The following TBC1D32 variants were observed in gnomAD, a reference collection of about 807,000 sequenced individuals.
The protein encoded by TBC1D32 is protein broad-minded.
A neutral mutation model predicts 170.3 loss-of-function variants in TBC1D32; 151 were observed. That is an observed-to-expected ratio of 0.89 (90% CI 0.78 to 1.01). The LOEUF (loss-of-function observed/expected upper bound fraction) is 1.01. TBC1D32 is among the 50% of genes least tolerant of loss of function. The probability of loss-of-function intolerance (pLI) is 0.00; values close to 1 mark genes in which losing one functional copy is unlikely to be tolerated. For missense variants in TBC1D32, 1,464 were observed against 1,457.1 expected (o/e 1.00, Z -0.08); for synonymous variants, 498 against 488.0 (o/e 1.02, Z -0.27).
intron 24 of TBC1D32, among the ~76,000 whole-genome samples, chr6:121,145,608 T>C (rs1783324197): frequency 6.6e-6 from 1 of 152,218 alleles, no homozygotes; most frequent in Admixed American, 6.5e-5. Context: ...TCATTTTAAA[T>C]ATTATCATCA....
chr6:121,291,614 C>T (rs1804883341), intron 12 of TBC1D32, among the ~76,000 whole-genome samples: 1 of 152,040 alleles, frequency 6.6e-6, no homozygotes, highest in South Asian at 2.1e-4. Flanking sequence ...TGACACAGGG[C>T]TTTGCAGTTT....
chr6:121,223,686 T>C (rs1794768192), intron 20 of TBC1D32, among the ~76,000 whole-genome samples: 2 of 152,108 alleles, frequency 1.3e-5, no homozygotes, highest in African/African-American at 4.8e-5. Flanking sequence ...ATATCCAATA[T>C]GTAAGAAAAT....
intron 22 of TBC1D32, among the ~76,000 whole-genome samples, chr6:121,161,409 G>A (rs1295395563): frequency 1.3e-5 from 2 of 152,068 alleles, no homozygotes; most frequent in African/African-American, 2.4e-5. Context: ...GTGTCCATAT[G>A]TTCTCATCAT....
intron 31 of TBC1D32, among the ~76,000 whole-genome samples, chr6:121,083,471 T>C (rs73766691): frequency 0.076 from 11,556 of 152,108 alleles, 866 homozygotes; most frequent in African/African-American, 0.2. Context: ...TATTAAAAAT[T>C]CCCATTCTAA....
chr6:121,169,801 G>A (rs1235846889), intron 22 of TBC1D32, among the ~76,000 whole-genome samples: 1 of 151,990 alleles, frequency 6.6e-6, no homozygotes, highest in African/African-American at 2.4e-5. Flanking sequence ...ATTAATTACA[G>A]ACATAAAGGC....
chr6:121,300,727 C>T (rs904920522), intron 9 of TBC1D32, among the ~76,000 whole-genome samples: 1 of 152,016 alleles, frequency 6.6e-6, no homozygotes, highest in Non-Finnish European at 1.5e-5. Context: ...CACAGCAAAA[C>T]AAACTATCAT....
chr6:121,175,974 T>A (rs1787708308), intron 22 of TBC1D32, among the ~76,000 whole-genome samples: 1 of 152,214 alleles, frequency 6.6e-6, no homozygotes, highest in African/African-American at 2.4e-5. Flanking sequence ...AAAACACTGG[T>A]TGAATACCTA....
At chr6:121,144,492 C>T (rs565190033) in intron 24 of TBC1D32, among the ~76,000 whole-genome samples, 8 of 152,048 alleles carry the variant, frequency 5.3e-5, no homozygotes, top group South Asian at 2.1e-4. Context: ...AAGACAGAGA[C>T]GAGTGCATGA....
At chr6:121,242,997 A>T (rs1194018248) in intron 17 of TBC1D32, among the ~76,000 whole-genome samples, 3 of 152,004 alleles carry the variant, frequency 2.0e-5, no homozygotes, top group East Asian at 3.9e-4. Context: ...TTTCTTTGAA[A>T]ATATATATAA....
chr6:121,318,813 TATC>T (rs1176369985), intron 2 of TBC1D32, among the ~76,000 whole-genome samples: 2 of 151,044 alleles, frequency 1.3e-5, no homozygotes, highest in East Asian at 3.9e-4. Flanking sequence ...ACGTATTTAT[TATC>T]ATTAAAATAA....
rs560700464 is a variant in TBC1D32 at position 121,141,049 on chromosome 6, T to C, written c.2774-9297A>G. 6.6e-5 allele frequency among the ~76,000 whole-genome samples: 10 copies of C among 152,296 alleles called. 1 individual carries two copies. In the South Asian group the frequency reaches 2.1e-3, roughly 32 times the overall value. On this transcript the variant is annotated intron_variant, in intron 24 of 31. Coordinates refer to ENST00000398212, the MANE Select transcript of TBC1D32 (RefSeq NM_152730.6). The stretch of plus-strand genomic sequence containing the variant: ...ATTGATTATTTACTTTTTCATTCAA[T>C]AAATATTTATGTACTGCCTACTACT...
In TBC1D32 at chr6:121,279,982, C is replaced by T. The variant is rs998729117; in HGVS notation, c.1609-737G>A. On this transcript the variant is annotated intron_variant, in intron 14 of 31. Transcript: ENST00000398212. ...ATATTATCTATAATACATTTGAAAA[C>T]GTAAATGTTGCAACCAACACATTCT... 3.3e-5 allele frequency among the ~76,000 whole-genome samples: 5 copies of T among 151,786 alleles called. No individual in the cohort carries two copies. In the South Asian group the frequency reaches 6.2e-4, roughly 19 times the overall value.
chr6:121,097,427 CA>C (rs759411918), intron 30 of TBC1D32, among the ~76,000 whole-genome samples: 5 of 151,972 alleles, frequency 3.3e-5, no homozygotes, highest in Non-Finnish European at 7.4e-5. Flanking sequence ...ATGCAGCCAA[CA>C]AACATATGAA....
intron 20 of TBC1D32, 59 bp downstream of exon 20, chr6:121,239,011 A>AATTC: frequency 1.1e-6 from 1 of 922,136 alleles, no homozygotes; most frequent in Non-Finnish European, 1.7e-6. Flanking sequence ...AGTATGAACG[A>AATTC]ATTCATTTCT....
intron 22 of TBC1D32, among the ~76,000 whole-genome samples, chr6:121,190,067 AATACAGACACACACACACAC>A (rs1789745010): frequency 9.2e-6 from 1 of 108,528 alleles, no homozygotes; most frequent in African/African-American, 3.9e-5. Flanking sequence ...CTCCTAGCCC[AATACAGACACACACACACAC>A]ACACACACAC....
At chr6:121,140,284 C>G (rs1309898297) in intron 24 of TBC1D32, among the ~76,000 whole-genome samples, 1 of 150,698 alleles carries the variant, frequency 6.6e-6, no homozygotes, top group South Asian at 2.1e-4. Context: ...CTCCCCCCAC[C>G]CTGATCTCAT....
intron 22 of TBC1D32, among the ~76,000 whole-genome samples, chr6:121,196,611 C>A (rs752790713): frequency 6.6e-6 from 1 of 152,184 alleles, no homozygotes; most frequent in Non-Finnish European, 1.5e-5. Flanking sequence ...AAGGCACTCA[C>A]TTTACGGCTA....
At chr6:121,099,377 ATT>A (rs1777759971) in intron 30 of TBC1D32, among the ~76,000 whole-genome samples, 1 of 151,894 alleles carries the variant, frequency 6.6e-6, no homozygotes, top group Non-Finnish European at 1.5e-5. Flanking sequence ...TCAAATTTCT[ATT>A]TTCTTTCCAA....
At chr6:121,085,643 A>T (rs561896580) in intron 31 of TBC1D32, among the ~76,000 whole-genome samples, 1 of 152,126 alleles carries the variant, frequency 6.6e-6, no homozygotes, top group Non-Finnish European at 1.5e-5. Flanking sequence ...TGCTTCTGCC[A>T]AATAAATTCT....
Sources: gnomAD v4.1 joint callset for allele counts (sites outside exome capture counted in the v4.1 genomes callset) on GRCh38, gnomAD v4.1.1 for gene constraint, MANE v1.5 for transcripts, NCBI Gene and HGNC (gene_info 2026-07-23, HGNC 2026-07-21) for gene names.